QRICH2: variants seen among roughly 807,000 people sequenced by gnomAD.
The protein encoded by QRICH2 is glutamine-rich protein 2.
Under a neutral mutation model 168.3 loss-of-function variants are expected in QRICH2, and 119 were observed. The ratio of observed to expected loss-of-function variants is 0.71; its 90% CI spans 0.61 to 0.82. QRICH2 has a LOEUF of 0.82. Among genes scored for constraint, QRICH2 ranks in the 40% least tolerant of loss-of-function variants. The pLI is 0.00. For missense variants in QRICH2, 2,241 were observed against 2,491.6 expected (o/e 0.90, Z 2.14); for synonymous variants, 894 against 951.2 (o/e 0.94, Z 1.11).
rs779417734 is a variant in QRICH2 at position 76,292,451 on chromosome 17, C to T, written c.2276G>A (p.Arg759His). The T allele has an allele frequency of 2.1e-5, 33 of 1,564,046 alleles. No individual in the cohort carries two copies. Among genetic ancestry groups the T allele is most frequent in the South Asian group, 1.3e-4 (11 of 87,892 alleles). Residue 759 changes from arginine (R) to histidine (H), a missense_variant, in exon 4 of 19, where the codon CGT becomes CAT. Physicochemically the swap from Arg to His is conservative, Grantham distance 29. Coordinates refer to ENST00000680821, the MANE Select transcript of QRICH2 (RefSeq NM_001388453.1). Reference protein sequence around the residue: ...RGLVPPGADQRGLVQPGADQH... With the variant: ...RGLVPPGADQHGLVQPGADQH... Reference sequence around the variant, plus strand: ...ATCTGCACCAGGTTGGACCAAACCACGCTGATCTGCACCAGGTGGGACCAA... The same window carrying T: ...ATCTGCACCAGGTTGGACCAAACCATGCTGATCTGCACCAGGTGGGACCAA...
chr17:76,304,400 C>G lies in QRICH2; in HGVS notation c.705+15G>C, dbSNP rs749351313. ...GCCCCACCCAAGACCACGGCCCAGG[C>G]CCCCACTGGTTCACCGCTTGTGAGG... is the stretch of plus-strand genomic sequence containing the variant. On this transcript the variant is annotated intron_variant, in intron 3 of 18. Coordinates refer to ENST00000680821, the MANE Select transcript of QRICH2 (RefSeq NM_001388453.1). The G allele has an allele frequency of 6.3e-7, 1 of 1,578,566 alleles. No homozygotes were observed. Among genetic ancestry groups the G allele is most frequent in the Non-Finnish European group, 8.7e-7 (1 of 1,150,628 alleles).
At chr17:76,283,366 G>A (rs2070823216) in intron 7 of QRICH2, among the ~76,000 whole-genome samples, 1 of 152,082 alleles carries the variant, frequency 6.6e-6, no homozygotes, top group African/African-American at 2.4e-5. Context: ...TGTGGAAGTG[G>A]GGCCTCCAAA....
rs1170600936 is a variant in QRICH2 at position 76,296,765 on chromosome 17, A to G, written c.706-2744T>C. Among the ~76,000 whole-genome samples, 4 of 137,036 alleles carry G rather than the reference A, an allele frequency of 2.9e-5. No individual in the cohort carries two copies. In the Admixed American group the frequency reaches 3.2e-4, roughly 11 times the overall value. The allele number at this position is 137,036 out of a possible 152,430, so 89.9% of individuals were successfully genotyped here. On this transcript the variant is annotated intron_variant, in intron 3 of 18. Transcript: ENST00000680821. ...TGCACTCCGGCCTGGGCAACAGAGC[A>G]TGGCTCTGTCTCAAAAAAAAAAAAA...
intron 16 of QRICH2, 44 bp from the exon 17 acceptor site, chr17:76,276,811 C>A: frequency 6.8e-7 from 1 of 1,463,016 alleles, no homozygotes; most frequent in Non-Finnish European, 9.5e-7. Flanking sequence ...GCAGCCACAG[C>A]CCTCCCCTGG....
rs1403026091 is a variant in QRICH2, at chr17:76,293,830, G to A, written c.897C>T (p.Ser299=). Residue 299 remains serine, a synonymous_variant, in exon 4 of 19, where the codon TCC becomes TCT. Transcript: ENST00000680821. ...GGTAHPSDGV[S]SREQSKVPSG... ...AGGGGACCTTGCTTTGTTCCCTACTGGAAACCCCATCAGAGGGGTGTGCTG... is the reference window on the plus strand; with the variant it reads ...AGGGGACCTTGCTTTGTTCCCTACTAGAAACCCCATCAGAGGGGTGTGCTG... 20 of 1,614,020 alleles carry A rather than the reference G, an allele frequency of 1.2e-5. No homozygotes were observed. The highest frequency in any genetic ancestry group is 1.6e-5 in the Non-Finnish European group (19 of 1,179,974).
intron 14 of QRICH2, 37 bp downstream of exon 14, chr17:76,279,004 C>T (rs762155211): frequency 4.3e-5 from 67 of 1,547,430 alleles, no homozygotes; most frequent in Middle Eastern, 1.7e-4. Flanking sequence ...GCCCTGGCCC[C>T]GGACCCATAT....
At chr17:76,284,507 T>C (rs575468877) in intron 7 of QRICH2, among the ~76,000 whole-genome samples, 6 of 134,202 alleles carry the variant, frequency 4.5e-5, no homozygotes, top group Non-Finnish European at 6.0e-5. Context: ...GATTTGGATA[T>C]GTATATTTTA....
At position 76,291,149 on chromosome 17, in the gene QRICH2, G is replaced by A. The variant is rs765534679; in HGVS notation, c.3578C>T (p.Ala1193Val). Residue 1193 changes from alanine to valine, a missense_variant, in exon 4 of 19, where the codon GCA becomes GTA. Ala to Val is a moderately conservative substitution (Grantham distance 64). Coordinates refer to ENST00000680821, the MANE Select transcript of QRICH2 (RefSeq NM_001388453.1). Reference protein sequence around the residue: ...LRRMSSSFPTAVETFHLMGEL... With the variant: ...LRRMSSSFPTVVETFHLMGEL... ...TCCCATCAGATGAAATGTCTCCACTGCCGTGGGGAAACTAGAACTCATTCT... is the reference window on the plus strand; with the variant it reads ...TCCCATCAGATGAAATGTCTCCACTACCGTGGGGAAACTAGAACTCATTCT... The A allele has an allele frequency of 6.2e-7, 1 of 1,614,146 alleles. No homozygotes were observed. Among genetic ancestry groups the A allele is most frequent in the Non-Finnish European group, 8.5e-7 (1 of 1,180,034 alleles).
intron 7 of QRICH2, among the ~76,000 whole-genome samples, chr17:76,286,802 G>C: frequency 6.6e-6 from 1 of 151,070 alleles, no homozygotes; most frequent in East Asian, 1.9e-4. Flanking sequence ...TTGAACCTGG[G>C]AGGCGGAGGT....
intron 3 of QRICH2, among the ~76,000 whole-genome samples, chr17:76,304,096 C>A (rs1034971040): frequency 1.3e-5 from 2 of 152,094 alleles, no homozygotes; most frequent in African/African-American, 4.8e-5. Flanking sequence ...TGGGTACCAA[C>A]CATACAGCGC....
At position 76,289,652 on chromosome 17, in the gene QRICH2, T is replaced by C. The variant is rs1473396973; in HGVS notation, c.3798+340A>G. ...CTATTATTAGCATTAAAAGACAAAG[T>C]GGGGGCTGGGCACGGTGGCTCACGC... On this transcript the variant is annotated intron_variant, in intron 5 of 18. Coordinates refer to ENST00000680821, the MANE Select transcript of QRICH2 (RefSeq NM_001388453.1). Among the ~76,000 whole-genome samples, 4 of 145,834 alleles carry C rather than the reference T, an allele frequency of 2.7e-5. 1 individual carries two copies. The highest frequency in any genetic ancestry group is 7.4e-5 in the African/African-American group (3 of 40,448).
rs2071015154 is a variant in QRICH2, at chr17:76,307,833, C to T, written c.166G>A (p.Glu56Lys). ...TRIDFQPSSP[E>K]PSRSLQSVRS... The stretch of plus-strand genomic sequence containing the variant: ...ACGGACTGCAGCGAGCGGCTGGGCT[C>T]GGGCGACGAGGGCTGGAAGTCGATC... Residue 56 changes from glutamate to lysine, a missense_variant, in exon 1 of 19, where the codon GAG (glutamate) becomes AAG (lysine). Around this residue, in one of 3 missense-constraint regions of QRICH2, gnomAD observed 2,047 missense variants for 2,303.8 expected, o/e 0.89. Coordinates refer to ENST00000680821, the MANE Select transcript of QRICH2 (RefSeq NM_001388453.1). The surrounding 1 kb of genome is among the most constrained non-coding windows in gnomAD (Gnocchi z 5.3). The T allele has an allele frequency of 7.8e-7, 1 of 1,285,960 alleles. No homozygotes were observed. Among genetic ancestry groups the T allele is most frequent in the Non-Finnish European group, 9.8e-7 (1 of 1,018,598 alleles). 79.7% of individuals were successfully genotyped at this position (1,285,960 alleles called of 1,614,324 possible).
upstream of QRICH2, among the ~76,000 whole-genome samples, chr17:76,308,884 T>C (rs1214979292): frequency 1.3e-5 from 2 of 151,596 alleles, no homozygotes; most frequent in Non-Finnish European, 2.9e-5. Context: ...TAGCTGGGAT[T>C]ACAGATGCGT....
intron 5 of QRICH2, among the ~76,000 whole-genome samples, chr17:76,289,478 T>C (rs576290932): frequency 6.6e-6 from 1 of 152,106 alleles, no homozygotes; most frequent in Admixed American, 6.5e-5. Flanking sequence ...TGAGCCAGCG[T>C]GCCCAGCCTG....
At chr17:76,299,905 G>A (rs2070868857) in intron 3 of QRICH2, among the ~76,000 whole-genome samples, 1 of 150,870 alleles carries the variant, frequency 6.6e-6, no homozygotes, top group Admixed American at 6.6e-5. Context: ...TCGGCTCACT[G>A]CAACCTCCGC....
upstream of QRICH2, chr17:76,309,748 T>G (rs553182995): frequency 6.6e-6 from 1 of 152,354 alleles, no homozygotes; most frequent in East Asian, 1.9e-4. Flanking sequence ...ATGCAGATAC[T>G]ACACCATTTT....
In QRICH2 at chr17:76,308,271, A is replaced by C; in HGVS notation, c.-273T>G. The stretch of plus-strand genomic sequence containing the variant: ...GGACTCCCAGTCCCCGCGCCGGCGG[A>C]CGTTTGAAACGTGGGGGCCCCCGCG... On this transcript the variant is annotated 5_prime_UTR_variant, in exon 1 of 19. Coordinates refer to ENST00000680821, the MANE Select transcript of QRICH2 (RefSeq NM_001388453.1). The C allele has an allele frequency of 1.0e-6, 1 of 985,378 alleles. No individual in the cohort carries two copies. Among genetic ancestry groups the C allele is most frequent in the Non-Finnish European group, 1.2e-6 (1 of 829,908 alleles). The allele number at this position is 985,378 out of a possible 1,614,324, so 61.0% of individuals were successfully genotyped here.
At chr17:76,309,067 C>CA (rs771177793), upstream of QRICH2, among the ~76,000 whole-genome samples, 19 of 143,300 alleles carry the variant, frequency 1.3e-4, no homozygotes, top group African/African-American at 4.0e-4. Flanking sequence ...TAATTGATCT[C>CA]AAAAAAACGG....
At position 76,279,132 on chromosome 17, in the gene QRICH2, C is replaced by T. The variant is rs763991372; in HGVS notation, c.4825G>A (p.Val1609Met). 18 of 1,612,718 alleles carry T rather than the reference C, an allele frequency of 1.1e-5. No individual in the cohort carries two copies. Among genetic ancestry groups the T allele is most frequent in the South Asian group, 2.2e-5 (2 of 90,950 alleles). ...GGTAGGCCTGGACCCGCGGGGGTCA[C>T]GGGGATGGCACTGGGCAGGGACAGA... Reference protein sequence around the residue: ...ETPVTGHAIPVTPAGPGLPGH... With the variant: ...ETPVTGHAIPMTPAGPGLPGH... The change falls in exon 14 of 19, where the codon GTG becomes ATG. Residue 1609 changes from valine to methionine, a missense_variant. This residue lies in a region of QRICH2 where 2,047 missense variants were observed against 2,303.8 expected (regional missense o/e 0.89). Coordinates refer to ENST00000680821, the MANE Select transcript of QRICH2 (RefSeq NM_001388453.1).
Sources: gnomAD v4.1 joint callset for allele counts (sites outside exome capture counted in the v4.1 genomes callset) on GRCh38, gnomAD v4.1.1 for gene constraint, gnomAD v4.1.1 regional missense constraint, Gnocchi (gnomAD v3.1) non-coding constraint, MANE v1.5 for transcripts, NCBI Gene and HGNC (gene_info 2026-07-23, HGNC 2026-07-21) for gene names.